Variants in ABCC1 observed in about 807,000 individuals in gnomAD.
The protein encoded by ABCC1 is multidrug resistance-associated protein 1.
A neutral mutation model predicts 172.9 loss-of-function variants in ABCC1; 83 were observed. The observed-to-expected ratio is 0.48, with a 90% CI of 0.40 to 0.58. The LOEUF is 0.58. ABCC1 is among the 20% of genes least tolerant of loss of function. ABCC1 has a pLI of 0.00. For missense variants in ABCC1, 1,817 were observed against 2,002.7 expected (o/e 0.91, Z 1.77); for synonymous variants, 937 against 825.2 (o/e 1.14, Z -2.32).
At chr16:15,962,905 T>A (rs1366401501) in intron 1 of ABCC1, among the ~76,000 whole-genome samples, 1 of 152,202 alleles carries the variant, frequency 6.6e-6, no homozygotes, top group Non-Finnish European at 1.5e-5. Flanking sequence ...CAATTATGCC[T>A]TCCCAACAGT....
chr16:16,024,770 G>A (rs780198445), intron 5 of ABCC1, among the ~76,000 whole-genome samples: 7 of 152,146 alleles, frequency 4.6e-5, no homozygotes, highest in Non-Finnish European at 8.8e-5. Context: ...AAAGGAAGAG[G>A]ATACATTGGA....
chr16:16,112,375 A>C (rs558953192), intron 22 of ABCC1, among the ~76,000 whole-genome samples: 175 of 121,292 alleles, frequency 1.4e-3, no homozygotes, highest in African/African-American at 5.0e-3. Flanking sequence ...AAAAATAAAC[A>C]AAAAAAAAAA....
At chr16:15,965,355 G>A (rs750647559) in intron 1 of ABCC1, among the ~76,000 whole-genome samples, 2 of 151,580 alleles carry the variant, frequency 1.3e-5, no homozygotes, top group African/African-American at 2.4e-5. Context: ...GCAGTGGTGC[G>A]ACCTTGGCTC....
At chr16:16,031,562 A>G (rs1008272859) in intron 5 of ABCC1, among the ~76,000 whole-genome samples, 15 of 152,154 alleles carry the variant, frequency 9.9e-5, no homozygotes, top group Non-Finnish European at 2.2e-4. Context: ...GACTGTGCAC[A>G]GCCTCCAGTG....
rs2045917744 is a variant in ABCC1, at chr16:16,136,380, C to T, written c.4126-98C>T. 2.2e-5 allele frequency: 30 copies of T among 1,344,492 alleles called. 1 individual carries two copies. The South Asian group carries it at 4.2e-4, about 19-fold the overall frequency. 83.3% of individuals were successfully genotyped at this position (1,344,492 alleles called of 1,614,324 possible). On this transcript the variant is annotated intron_variant, in intron 28 of 30. Transcript: ENST00000399410. The stretch of plus-strand genomic sequence containing the variant: ...GTGATTCCAAGGAGCTCTGATACCC[C>T]ACCTTCAACAGTCCTGGCCAGAAGT...
intron 7 of ABCC1, among the ~76,000 whole-genome samples, chr16:16,041,987 A>G (rs143080458): frequency 2.6e-3 from 388 of 152,100 alleles, no homozygotes; most frequent in Admixed American, 4.2e-3. Context: ...ATCCAGCTAC[A>G]GGGGGGCTGA....
At chr16:16,008,746 G>A (rs1255441339) in intron 2 of ABCC1, among the ~76,000 whole-genome samples, 1 of 151,156 alleles carries the variant, frequency 6.6e-6, no homozygotes, top group East Asian at 2.0e-4. Context: ...GGGAGGCTGA[G>A]GTGGGAGGAT....
intron 13 of ABCC1, among the ~76,000 whole-genome samples, chr16:16,068,793 C>G (rs2050211835): frequency 6.6e-6 from 1 of 151,974 alleles, no homozygotes; most frequent in Non-Finnish European, 1.5e-5. Flanking sequence ...TCGAGACCAG[C>G]CTGGCCAACA....
intron 21 of ABCC1, 130 bp downstream of exon 21, chr16:16,107,003 A>G: frequency 1.5e-6 from 2 of 1,318,412 alleles, no homozygotes; most frequent in Non-Finnish European, 2.1e-6. Flanking sequence ...TGAAGATACT[A>G]TTTGCAGCAC....
chr16:16,095,155 C>T (rs1207684985), intron 19 of ABCC1: 1 of 152,198 alleles, frequency 6.6e-6, no homozygotes, highest in Non-Finnish European at 1.5e-5. Context: ...AGATTTGAAC[C>T]TCTTGATCTG....
chr16:16,078,979 G>A (rs907659223), intron 15 of ABCC1, among the ~76,000 whole-genome samples: 2 of 152,056 alleles, frequency 1.3e-5, no homozygotes, highest in Non-Finnish European at 1.5e-5. Flanking sequence ...TACCGTGTCC[G>A]GCCCCAGTTT....
At chr16:15,967,946 G>A (rs1459866766) in intron 1 of ABCC1, among the ~76,000 whole-genome samples, 2 of 152,120 alleles carry the variant, frequency 1.3e-5, no homozygotes, top group Non-Finnish European at 2.9e-5. Flanking sequence ...CCTACTCTTT[G>A]TCTTGTCTGA....
In ABCC1 at chr16:16,141,501, C is replaced by T; in HGVS notation, c.*220C>T. ...AGGAGAGACAGAGATGCGAACCACC[C>T]AAAACACGCACACCCTGCCCCTGGT... On this transcript the variant is annotated 3_prime_UTR_variant, in exon 31 of 31. Transcript: ENST00000399410. 1 of 562,262 alleles carries T rather than the reference C, an allele frequency of 1.8e-6. No homozygotes were observed. Among genetic ancestry groups the T allele is most frequent in the Non-Finnish European group, 3.2e-6 (1 of 314,896 alleles). 34.8% of individuals were successfully genotyped at this position (562,262 alleles called of 1,614,324 possible).
At chr16:15,993,738 C>T (rs2046957060) in intron 1 of ABCC1, among the ~76,000 whole-genome samples, 1 of 125,860 alleles carries the variant, frequency 7.9e-6, no homozygotes, top group Non-Finnish European at 1.6e-5. Flanking sequence ...CACTACCCTG[C>T]ACTGCTCACA....
chr16:16,122,083 G>A lies in ABCC1; in HGVS notation c.3499G>A (p.Ala1167Thr), dbSNP rs746706457. The change falls in exon 24 of 31, where the codon GCC becomes ACC. Residue 1167 changes from alanine (A) to threonine (T), a missense_variant. Physicochemically the swap from Ala to Thr is moderately conservative, Grantham distance 58. Transcript: ENST00000399410. The part of the protein sequence containing the change: ...ETLLGVSVIR[A>T]FEEQERFIHQ... The stretch of plus-strand genomic sequence containing the variant: ...CTTGCTGGGGGTCAGCGTCATTCGA[G>A]CCTTCGAGGAGCAGGAGCGCTTCAT... 7 of 1,614,106 alleles carry A rather than the reference G, an allele frequency of 4.3e-6. No homozygotes were observed. The highest frequency in any genetic ancestry group is 3.3e-5 in the Admixed American group (2 of 60,004).
chr16:16,058,183 A>C (rs2049751775), intron 12 of ABCC1, among the ~76,000 whole-genome samples: 1 of 152,180 alleles, frequency 6.6e-6, no homozygotes, highest in Admixed American at 6.6e-5. Flanking sequence ...GTTGGCCGCA[A>C]ATCAGGAGAC....
intron 1 of ABCC1, among the ~76,000 whole-genome samples, chr16:15,964,910 A>G (rs2151512682): frequency 6.6e-6 from 1 of 152,244 alleles, no homozygotes. Flanking sequence ...TGTCTTTCTG[A>G]GTCCTTTTTG....
intron 1 of ABCC1, among the ~76,000 whole-genome samples, chr16:15,968,514 C>T (rs552577193): frequency 1.4e-4 from 21 of 151,884 alleles, no homozygotes; most frequent in African/African-American, 4.1e-4. Flanking sequence ...GTAGCTAGGA[C>T]TGCAGGCATG....
intron 3 of ABCC1, among the ~76,000 whole-genome samples, chr16:16,011,981 T>C (rs1349456921): frequency 6.6e-6 from 1 of 151,934 alleles, no homozygotes; most frequent in Non-Finnish European, 1.5e-5. Context: ...TTTGTTATTT[T>C]TGTAGAGACA....
Sources: gnomAD v4.1 joint callset for allele counts (sites outside exome capture counted in the v4.1 genomes callset) on GRCh38, gnomAD v4.1.1 for gene constraint, MANE v1.5 for transcripts, NCBI Gene and HGNC (gene_info 2026-07-23, HGNC 2026-07-21) for gene names.